The following ROBO1 variants were observed in gnomAD, a reference collection of about 807,000 sequenced individuals.
ROBO1 encodes the protein roundabout guidance receptor 1.
ROBO1 carries 149 observed loss-of-function variants against 195.9 expected under a neutral mutation model. The observed-to-expected ratio is 0.76, with a 90% CI of 0.67 to 0.87. The LOEUF is 0.87. ROBO1 is among the 40% of genes least tolerant of loss of function. The pLI is 0.00. For synonymous variants in ROBO1, 816 were observed against 733.2 expected (o/e 1.11, Z -1.82); for missense variants, 1,933 against 2,068.3 (o/e 0.93, Z 1.27).
intron 29 of ROBO1, among the ~76,000 whole-genome samples, chr3:78,604,183 G>A (rs1703337688): frequency 6.6e-6 from 1 of 151,964 alleles, no homozygotes; most frequent in Non-Finnish European, 1.5e-5. Context: ...CAATTCTCCT[G>A]CCTCAGCCTC....
chr3:79,763,084 C>T (rs575753138), intron 1 of ROBO1, among the ~76,000 whole-genome samples: 114 of 151,916 alleles, frequency 7.5e-4, no homozygotes, highest in African/African-American at 2.6e-3. Flanking sequence ...AGGACAGTTT[C>T]CTTTAAAATG....
At chr3:79,659,066 A>G (rs1946252740) in intron 1 of ROBO1, among the ~76,000 whole-genome samples, 1 of 152,018 alleles carries the variant, frequency 6.6e-6, no homozygotes, top group South Asian at 2.1e-4. Flanking sequence ...TGTTCAATTA[A>G]CGTAGCATTA....
chr3:79,223,579 A>G (rs2082177721), intron 2 of ROBO1, among the ~76,000 whole-genome samples: 1 of 152,204 alleles, frequency 6.6e-6, no homozygotes, highest in Non-Finnish European at 1.5e-5. Flanking sequence ...CACGCACATC[A>G]GCAAGCCAAA....
At chr3:79,096,395 C>A (rs565379291) in intron 3 of ROBO1, among the ~76,000 whole-genome samples, 1 of 151,786 alleles carries the variant, frequency 6.6e-6, no homozygotes, top group East Asian at 1.9e-4. Context: ...AATTTATATG[C>A]AGGTTTGATA....
chr3:78,899,686 G>T (rs2037467487), intron 4 of ROBO1, among the ~76,000 whole-genome samples: 1 of 152,034 alleles, frequency 6.6e-6, no homozygotes, highest in African/African-American at 2.4e-5. Context: ...TTAGATGGTA[G>T]GAAGAAGAAA....
intron 3 of ROBO1, among the ~76,000 whole-genome samples, chr3:78,991,512 C>T (rs763889457): frequency 6.6e-6 from 1 of 152,164 alleles, no homozygotes; most frequent in Non-Finnish European, 1.5e-5. Context: ...TGGCATTTAC[C>T]TCCAGCAAAA....
chr3:78,756,433 A>G (rs1275949403), intron 4 of ROBO1, among the ~76,000 whole-genome samples: 1 of 152,238 alleles, frequency 6.6e-6, no homozygotes, highest in Non-Finnish European at 1.5e-5. Context: ...AAAAGTTCAC[A>G]GCATTTCACT....
chr3:79,430,073 A>C (rs1317242172), intron 2 of ROBO1, among the ~76,000 whole-genome samples: 1 of 151,916 alleles, frequency 6.6e-6, no homozygotes, highest in Admixed American at 6.6e-5. Context: ...TACAATTTTA[A>C]AATTGATGAT....
At chr3:78,634,632 T>C (rs1003927034) in intron 23 of ROBO1, 2 of 175,054 alleles carry the variant, frequency 1.1e-5, no homozygotes, top group African/African-American at 4.8e-5. Context: ...AACAATATAC[T>C]ATGAAGGAAT....
chr3:78,833,906 A>T (rs1421317595), intron 4 of ROBO1, among the ~76,000 whole-genome samples: 1 of 152,196 alleles, frequency 6.6e-6, no homozygotes, highest in Non-Finnish European at 1.5e-5. Flanking sequence ...ACAAGAAATA[A>T]TAAAACAATA....
chr3:79,519,373 G>A (rs1467633627), intron 2 of ROBO1, among the ~76,000 whole-genome samples: 1 of 152,188 alleles, frequency 6.6e-6, no homozygotes, highest in Non-Finnish European at 1.5e-5. Context: ...GCTCACGCCT[G>A]TAATCCCAAC....
intron 29 of ROBO1, among the ~76,000 whole-genome samples, chr3:78,602,710 A>C (rs143333384): frequency 6.6e-6 from 1 of 152,214 alleles, no homozygotes; most frequent in African/African-American, 2.4e-5. Context: ...ATTAATTTAT[A>C]TTTTTAATTC....
At position 79,523,561 on chromosome 3, in the gene ROBO1, C is replaced by T. The variant is rs74537765; in HGVS notation, c.88+66263G>A. ...ACTCTCAGCTTACTGCAACCTCCGC[C>T]TCCTGGATTCAAGCTATTCTTCTGC... is the stretch of plus-strand genomic sequence containing the variant. On this transcript the variant is annotated intron_variant, in intron 2 of 30. Coordinates refer to ENST00000464233, the MANE Select transcript of ROBO1 (RefSeq NM_002941.4). 5.1e-3 allele frequency among the ~76,000 whole-genome samples: 769 copies of T among 149,610 alleles called. 5 individuals are homozygous for T. The highest frequency in any genetic ancestry group is 0.018 in the African/African-American group (742 of 40,362).
chr3:78,704,661 CAAAAA>C (rs1160098731), intron 8 of ROBO1, among the ~76,000 whole-genome samples: 2 of 61,680 alleles, frequency 3.2e-5, no homozygotes, highest in African/African-American at 1.1e-4. Context: ...CTCATCTCTC[CAAAAA>C]AAAAAAAAAA....
chr3:78,960,545 C>A (rs1396539551), intron 3 of ROBO1, among the ~76,000 whole-genome samples: 1 of 151,840 alleles, frequency 6.6e-6, no homozygotes, highest in Non-Finnish European at 1.5e-5. Flanking sequence ...CTTTGGGAGG[C>A]CAAGGCAGGT....
At chr3:79,339,194 C>A (rs933338293) in intron 2 of ROBO1, among the ~76,000 whole-genome samples, 2 of 152,208 alleles carry the variant, frequency 1.3e-5, no homozygotes, top group Non-Finnish European at 2.9e-5. Flanking sequence ...TGCTTCCATC[C>A]TTGCTCAACT....
At chr3:79,113,520 C>T (rs574725386) in intron 3 of ROBO1, among the ~76,000 whole-genome samples, 1 of 152,170 alleles carries the variant, frequency 6.6e-6, no homozygotes, top group African/African-American at 2.4e-5. Flanking sequence ...GTAATCCCAG[C>T]ACTTTGGGAG....
intron 2 of ROBO1, among the ~76,000 whole-genome samples, chr3:79,191,033 G>C (rs2081530828): frequency 1.3e-5 from 2 of 151,534 alleles, no homozygotes; most frequent in East Asian, 1.9e-4. Flanking sequence ...CTATAAAGAA[G>C]ACATGAGGAA....
At chr3:79,525,861 C>A (rs889511421) in intron 2 of ROBO1, among the ~76,000 whole-genome samples, 3 of 152,074 alleles carry the variant, frequency 2.0e-5, no homozygotes, top group Non-Finnish European at 1.5e-5. Flanking sequence ...CCGCCTGCCT[C>A]AGCCTCCCAA....
Sources: gnomAD v4.1 joint callset for allele counts (sites outside exome capture counted in the v4.1 genomes callset) on GRCh38, gnomAD v4.1.1 for gene constraint, MANE v1.5 for transcripts, NCBI Gene and HGNC (gene_info 2026-07-23, HGNC 2026-07-21) for gene names.